The following ENPEP variants were observed in gnomAD, a reference collection of about 807,000 sequenced individuals.
The protein encoded by ENPEP is AP-A.
Under a neutral mutation model 114.5 loss-of-function variants are expected in ENPEP, and 103 were observed. The observed-to-expected ratio is 0.90, with a 90% CI of 0.77 to 1.06. ENPEP has a LOEUF of 1.06. Ranked by LOEUF, ENPEP falls within the 50% of genes least tolerant of loss-of-function variation. The pLI, the probability that ENPEP is intolerant of heterozygous loss-of-function variation, is 0.00. For synonymous variants in ENPEP, 420 were observed against 422.0 expected (o/e 1.00, Z 0.06); for missense variants, 1,196 against 1,161.3 (o/e 1.03, Z -0.43).
intron 11 of ENPEP, chr4:110,533,058 T>C (rs1365488102): frequency 2.2e-6 from 1 of 451,676 alleles, no homozygotes; most frequent in African/African-American, 2.0e-5. Flanking sequence ...TAACTATTAC[T>C]AAATATTTTC....
chr4:110,559,223 G>T (rs1174940516), intron 18 of ENPEP: 2 of 161,734 alleles, frequency 1.2e-5, no homozygotes, highest in Non-Finnish European at 2.7e-5. Flanking sequence ...AGAAAAACCA[G>T]GAAGTCTAGG....
intron 17 of ENPEP, among the ~76,000 whole-genome samples, chr4:110,553,061 A>G (rs866968548): frequency 1.3e-5 from 2 of 152,126 alleles, no homozygotes; most frequent in African/African-American, 4.8e-5. Context: ...TGGTGCTTCT[A>G]AAATAATTTA....
intron 6 of ENPEP, chr4:110,513,101 T>TATAG: frequency 5.3e-6 from 1 of 190,466 alleles, no homozygotes; most frequent in South Asian, 1.3e-4. Flanking sequence ...ATTGCACAGA[T>TATAG]ATAGAAATAG....
At position 110,542,949 on chromosome 4, in the gene ENPEP, T is replaced by C. The variant is rs1047013419; in HGVS notation, c.1944+62T>C. 6 of 1,610,094 alleles carry C rather than the reference T, an allele frequency of 3.7e-6. No homozygotes were observed. The African/African-American group carries it at 4.0e-5, about 11-fold the overall frequency. ...TTCTAAGAACAGCATCTTAATGATA[T>C]TAATTTTTTTCAACATGCTTTGCCT... On this transcript the variant is annotated intron_variant, in intron 12 of 19. Coordinates refer to ENST00000265162, the MANE Select transcript of ENPEP (RefSeq NM_001977.4).
At chr4:110,547,430 A>G (rs564635415) in intron 13 of ENPEP, among the ~76,000 whole-genome samples, 157 of 152,120 alleles carry the variant, frequency 1.0e-3, no homozygotes, top group Non-Finnish European at 4.0e-4. Flanking sequence ...TGAGTTCCCT[A>G]GACGTAGAGT....
chr4:110,479,604 G>T (rs79941701), intron 1 of ENPEP, among the ~76,000 whole-genome samples: 11,420 of 152,056 alleles, frequency 0.075, 574 homozygotes, highest in African/African-American at 0.13. Flanking sequence ...GTATGAAAGC[G>T]ACTATTCCTC....
chr4:110,488,486 G>T (rs1457122986), intron 1 of ENPEP, 55 bp from the exon 2 acceptor site: 3 of 1,525,514 alleles, frequency 2.0e-6, no homozygotes, highest in Non-Finnish European at 2.6e-6. Flanking sequence ...TAGAGACATA[G>T]GGGTTGTCAG....
At chr4:110,498,622 G>A (rs753888851) in intron 3 of ENPEP, among the ~76,000 whole-genome samples, 5 of 152,210 alleles carry the variant, frequency 3.3e-5, no homozygotes, top group African/African-American at 7.2e-5. Context: ...AGGACAATAA[G>A]GATGTGGATC....
intron 1 of ENPEP, among the ~76,000 whole-genome samples, chr4:110,487,758 G>A (rs1329541630): frequency 1.3e-5 from 2 of 151,746 alleles, no homozygotes; most frequent in East Asian, 3.9e-4. Flanking sequence ...TTCTTTTACT[G>A]TAATATGTTT....
chr4:110,482,810 A>G (rs1724362433), intron 1 of ENPEP, among the ~76,000 whole-genome samples: 1 of 152,132 alleles, frequency 6.6e-6, no homozygotes, highest in Non-Finnish European at 1.5e-5. Context: ...GGAGTTCGAG[A>G]GCAGCCTGGC....
intron 13 of ENPEP, among the ~76,000 whole-genome samples, chr4:110,543,637 T>C (rs1309413766): frequency 4.0e-5 from 6 of 150,620 alleles, no homozygotes; most frequent in Admixed American, 3.3e-4. Context: ...GTAGTATCCA[T>C]GGTACCTCTA....
chr4:110,505,415 G>T (rs1417302067), intron 3 of ENPEP, among the ~76,000 whole-genome samples: 1 of 152,146 alleles, frequency 6.6e-6, no homozygotes. Flanking sequence ...AAGCAAGAAT[G>T]CCAGTTACCT....
In ENPEP at chr4:110,548,162, TTTGTC is replaced by T. The variant is rs1727144173; in HGVS notation, c.2001-11_2001-7del. 6 of 1,209,432 alleles carry T rather than the reference TTTGTC, an allele frequency of 5.0e-6. No individual in the cohort carries two copies. The South Asian group carries it at 1.5e-4, about 29-fold the overall frequency. The allele number at this position is 1,209,432 out of a possible 1,614,324, so 74.9% of individuals were successfully genotyped here. On this transcript the variant is annotated splice_polypyrimidine_tract_variant and intron_variant, in intron 13 of 19. Transcript: ENST00000265162. ...GAGTTTTTTTTTTTTTTTTTTTTTT[TTTGTC>T]TTTCTCAGAGCTCAACTTCTAGATT...
chr4:110,526,022 G>A (rs1169713147), intron 10 of ENPEP, among the ~76,000 whole-genome samples: 1 of 152,016 alleles, frequency 6.6e-6, no homozygotes, highest in Admixed American at 6.6e-5. Flanking sequence ...ATGCCTGTAA[G>A]CCCAGCACTT....
Position 110,491,228 on chromosome 4 carries a change from T to C in ENPEP, c.918+64T>C. 5 of 1,478,014 alleles carry C rather than the reference T, an allele frequency of 3.4e-6. No homozygotes were observed. The South Asian group carries it at 4.0e-5, about 12-fold the overall frequency. 91.6% of individuals were successfully genotyped at this position (1,478,014 alleles called of 1,614,324 possible). On this transcript the variant is annotated intron_variant, in intron 3 of 19. Coordinates refer to ENST00000265162, the MANE Select transcript of ENPEP (RefSeq NM_001977.4). Reference sequence around the variant, plus strand: ...ATTTGTAATTAATTATCTACCTTTTTTGGGTAGTTTTTTTTTTTTTTTTTC... The same window carrying C: ...ATTTGTAATTAATTATCTACCTTTTCTGGGTAGTTTTTTTTTTTTTTTTTC...
intron 18 of ENPEP, among the ~76,000 whole-genome samples, chr4:110,556,503 A>G (rs2110401620): frequency 6.6e-6 from 1 of 152,180 alleles, no homozygotes; most frequent in South Asian, 2.1e-4. Flanking sequence ...TAGTTTATTT[A>G]GCCAATCCCT....
In ENPEP at chr4:110,509,709, AC is replaced by A; in HGVS notation, c.1097del (p.Thr366SerfsTer39). ...TGAMENWGLI[T>X]YRETNLLYDP... is the part of the protein sequence containing the mutation. ...TGCCATGGAGAACTGGGGACTCATCACGTACAGAGAAACGAACCTGCTTTAT... is the reference window on the plus strand; with the variant it reads ...TGCCATGGAGAACTGGGGACTCATCAGTACAGAGAAACGAACCTGCTTTAT... On this transcript the variant is annotated frameshift_variant, in exon 5 of 20. Coordinates refer to ENST00000265162, the MANE Select transcript of ENPEP (RefSeq NM_001977.4). LOFTEE classifies it high-confidence loss of function. 1 of 1,614,226 alleles carries A rather than the reference AC, an allele frequency of 6.2e-7. No homozygotes were observed. Among genetic ancestry groups the A allele is most frequent in the Non-Finnish European group, 8.5e-7 (1 of 1,180,030 alleles).
intron 17 of ENPEP, among the ~76,000 whole-genome samples, chr4:110,551,699 C>T (rs1727298019): frequency 6.6e-6 from 1 of 152,172 alleles, no homozygotes; most frequent in Non-Finnish European, 1.5e-5. Flanking sequence ...AGAGGGAGAA[C>T]AACTGATGTT....
At chr4:110,490,159 C>G (rs1724651908) in intron 2 of ENPEP, among the ~76,000 whole-genome samples, 1 of 152,028 alleles carries the variant, frequency 6.6e-6, no homozygotes, top group South Asian at 2.1e-4. Flanking sequence ...TTACCTTCTA[C>G]TAGATCCAGA....
Sources: gnomAD v4.1 joint callset for allele counts (sites outside exome capture counted in the v4.1 genomes callset) on GRCh38, gnomAD v4.1.1 for gene constraint, MANE v1.5 for transcripts, NCBI Gene and HGNC (gene_info 2026-07-23, HGNC 2026-07-21) for gene names.